Variants in TOPAZ1 observed in about 807,000 individuals in gnomAD.
The protein encoded by TOPAZ1 is testis and ovary specific TOPAZ 1, also known as protein TOPAZ1.
In TOPAZ1, 66 loss-of-function variants were observed where a neutral mutation model predicts 172.2. The observed-to-expected ratio is 0.38, with a 90% CI of 0.31 to 0.47. The LOEUF is 0.47. Ranked by LOEUF, TOPAZ1 falls within the 20% of genes least tolerant of loss-of-function variation. The pLI, the probability that TOPAZ1 is intolerant of heterozygous loss-of-function variation, is 0.99. For missense variants in TOPAZ1, 1,822 were observed against 1,972.4 expected (o/e 0.92, Z 1.44); for synonymous variants, 681 against 683.9 (o/e 1.00, Z 0.07).
intron 16 of TOPAZ1, among the ~76,000 whole-genome samples, chr3:44,314,249 G>T (rs1700428552): frequency 2.0e-5 from 3 of 152,004 alleles, no homozygotes; most frequent in African/African-American, 2.4e-5. Context: ...AATTATTAAA[G>T]AAATTTTTTC....
intron 18 of TOPAZ1, among the ~76,000 whole-genome samples, chr3:44,326,974 A>G (rs367570159): frequency 6.6e-6 from 1 of 152,228 alleles, no homozygotes; most frequent in East Asian, 1.9e-4. Context: ...AAAACTAGTA[A>G]AGTTAATGAG....
chr3:44,274,830 A>C (rs1004601091), intron 8 of TOPAZ1, among the ~76,000 whole-genome samples: 3 of 152,120 alleles, frequency 2.0e-5, no homozygotes, highest in Admixed American at 6.6e-5. Context: ...CTGGGATTAC[A>C]GAGCCATTGC....
rs900976741 is a variant in TOPAZ1 at position 44,250,872 on chromosome 3, G to A, written c.2766-4096G>A. Among the ~76,000 whole-genome samples, 4 of 152,216 alleles carry A rather than the reference G, an allele frequency of 2.6e-5. 1 individual carries two copies. The South Asian group carries it at 8.3e-4, about 32-fold the overall frequency. ...TGCTGGAATAAACAGTATTGTACGTGATTGAACATTTGTAATATCAGGAGA... is the reference window on the plus strand; with the variant it reads ...TGCTGGAATAAACAGTATTGTACGTAATTGAACATTTGTAATATCAGGAGA... On this transcript the variant is annotated intron_variant, in intron 2 of 19. Coordinates refer to ENST00000309765, the MANE Select transcript of TOPAZ1 (RefSeq NM_001145030.2).
At chr3:44,263,076 A>G (rs1468691301) in intron 5 of TOPAZ1, among the ~76,000 whole-genome samples, 2 of 152,180 alleles carry the variant, frequency 1.3e-5, no homozygotes, top group African/African-American at 2.4e-5. Context: ...ATTGAGTCCC[A>G]TCTCAGATCT....
intron 1 of TOPAZ1, 52 bp downstream of exon 1, chr3:44,242,451 T>C (rs1277715852): frequency 2.0e-6 from 3 of 1,523,364 alleles, no homozygotes; most frequent in African/African-American, 2.8e-5. Context: ...CTCAGCGTGC[T>C]CCATCTTTGT....
chr3:44,316,275 AAAGT>A (rs148772213), intron 16 of TOPAZ1, among the ~76,000 whole-genome samples: 520 of 152,280 alleles, frequency 3.4e-3, no homozygotes, highest in African/African-American at 0.012. Flanking sequence ...AACTTTTTTT[AAAGT>A]AAATCAAGCA....
At position 44,320,080 on chromosome 3, in the gene TOPAZ1, C is replaced by G. The variant is rs566804878; in HGVS notation, c.4307-947C>G. Among the ~76,000 whole-genome samples the G allele has an allele frequency of 1.6e-4, 24 of 152,100 alleles. No individual in the cohort carries two copies. In the South Asian group the frequency reaches 5.0e-3, roughly 32 times the overall value. Reference sequence around the variant, plus strand: ...TGTACTACAGTCTCCCATTGTTTTTCTCAATGTGAAAATCAGAGCAGAAAT... The same window carrying G: ...TGTACTACAGTCTCCCATTGTTTTTGTCAATGTGAAAATCAGAGCAGAAAT... On this transcript the variant is annotated intron_variant, in intron 16 of 19. Coordinates refer to ENST00000309765, the MANE Select transcript of TOPAZ1 (RefSeq NM_001145030.2).
intron 2 of TOPAZ1, 126 bp from the exon 3 acceptor site, chr3:44,254,842 C>T (rs1210209752): frequency 5.1e-6 from 3 of 591,980 alleles, no homozygotes; most frequent in Admixed American, 2.9e-5. Flanking sequence ...ATAGTAAGTA[C>T]TCTGCCCTGG....
At chr3:44,315,514 T>A (rs1333133673) in intron 16 of TOPAZ1, among the ~76,000 whole-genome samples, 1 of 149,940 alleles carries the variant, frequency 6.7e-6, no homozygotes, top group East Asian at 2.0e-4. Context: ...ATTACAGGTG[T>A]GCACCACCAC....
At chr3:44,261,905 C>A in intron 4 of TOPAZ1, among the ~76,000 whole-genome samples, 1 of 151,986 alleles carries the variant, frequency 6.6e-6, no homozygotes, top group Non-Finnish European at 1.5e-5. Context: ...GTATTTTATT[C>A]TTTTAGTGGA....
At chr3:44,266,877 A>G in intron 5 of TOPAZ1, 120 bp from the exon 6 acceptor site, 1 of 764,260 alleles carries the variant, frequency 1.3e-6, no homozygotes, top group Non-Finnish European at 1.9e-6. Flanking sequence ...CAGTGCTTCA[A>G]TTTGTAAAAA....
At chr3:44,285,906 A>G (rs1296667901) in intron 9 of TOPAZ1, among the ~76,000 whole-genome samples, 16 of 151,908 alleles carry the variant, frequency 1.1e-4, no homozygotes, top group African/African-American at 3.4e-4. Context: ...ATATATTAAC[A>G]GTTTAAAAAT....
At chr3:44,271,982 G>A (rs765242007) in intron 8 of TOPAZ1, among the ~76,000 whole-genome samples, 11 of 152,236 alleles carry the variant, frequency 7.2e-5, no homozygotes, top group Non-Finnish European at 1.5e-4. Flanking sequence ...GATTCCATAT[G>A]TAAATGAGAA....
intron 12 of TOPAZ1, among the ~76,000 whole-genome samples, chr3:44,297,530 T>C (rs1700213541): frequency 6.6e-6 from 1 of 152,076 alleles, no homozygotes; most frequent in Admixed American, 6.5e-5. Flanking sequence ...CTACAGCAAA[T>C]ATTATATTTA....
rs1248363997 is a variant in TOPAZ1, at chr3:44,282,048, T to A, written c.3436+17T>A. 6.9e-7 allele frequency: 1 copy of A among 1,447,178 alleles called. No individual in the cohort carries two copies. Among genetic ancestry groups the A allele is most frequent in the Non-Finnish European group, 9.4e-7 (1 of 1,061,516 alleles). The allele number at this position is 1,447,178 out of a possible 1,614,324, so 89.6% of individuals were successfully genotyped here. A position where few individuals can be genotyped will look rare whatever the true frequency, so the allele number is the denominator to read the frequency against. Reference sequence around the variant, plus strand: ...AGCGTGCAGGTATGAAACAATTAAATAATTAGTATGAAGCTATTAATGTGT... The same window carrying A: ...AGCGTGCAGGTATGAAACAATTAAAAAATTAGTATGAAGCTATTAATGTGT... On this transcript the variant is annotated intron_variant, in intron 9 of 19. Transcript: ENST00000309765.
chr3:44,331,329 T>C (rs1358348097), intron 19 of TOPAZ1, among the ~76,000 whole-genome samples: 1 of 49,932 alleles, frequency 2.0e-5, no homozygotes, highest in East Asian at 5.3e-4. Flanking sequence ...TGGGCCATAA[T>C]ATGTCTTTTT....
At chr3:44,296,745 G>A (rs983818180) in intron 12 of TOPAZ1, among the ~76,000 whole-genome samples, 4 of 147,102 alleles carry the variant, frequency 2.7e-5, no homozygotes, top group Admixed American at 7.1e-5. Context: ...AGAAGAATCA[G>A]CATGGATTTA....
rs746681844 is a variant in TOPAZ1, at chr3:44,293,616, T to C, written c.3797+2730T>C. 2.0e-5 allele frequency among the ~76,000 whole-genome samples: 3 copies of C among 152,358 alleles called. No homozygotes were observed. In the East Asian group the frequency reaches 5.8e-4, roughly 29 times the overall value. On this transcript the variant is annotated intron_variant, in intron 12 of 19. Coordinates refer to ENST00000309765, the MANE Select transcript of TOPAZ1 (RefSeq NM_001145030.2). Reference sequence around the variant, plus strand: ...TAGAGAACATGCTTTTGTACAGATATACAGTGTGTTTCTGTTTTAAGCTGG... The same window carrying C: ...TAGAGAACATGCTTTTGTACAGATACACAGTGTGTTTCTGTTTTAAGCTGG...
intron 12 of TOPAZ1, among the ~76,000 whole-genome samples, chr3:44,291,588 G>A (rs1187036656): frequency 6.7e-6 from 1 of 149,920 alleles, no homozygotes; most frequent in Non-Finnish European, 1.5e-5. Context: ...GCGAGACTCC[G>A]TCTCAAAAAT....
Sources: gnomAD v4.1 joint callset for allele counts (sites outside exome capture counted in the v4.1 genomes callset) on GRCh38, gnomAD v4.1.1 for gene constraint, MANE v1.5 for transcripts, NCBI Gene and HGNC (gene_info 2026-07-23, HGNC 2026-07-21) for gene names.